DNAH14: variants seen among roughly 807,000 people sequenced by gnomAD.
DNAH14 encodes dynein axonemal heavy chain 14.
In DNAH14, 478 loss-of-function variants were observed where a neutral mutation model predicts 520.9. That is an observed-to-expected ratio of 0.92 (90% confidence interval 0.85 to 0.99). The LOEUF is 0.99. Ranked by LOEUF, DNAH14 falls within the 50% of genes least tolerant of loss-of-function variation. DNAH14 has a pLI of 0.00. For synonymous variants in DNAH14, 1,581 were observed against 1,757.2 expected (o/e 0.90, Z 2.51); for missense variants, 4,831 against 5,234.5 (o/e 0.92, Z 2.38).
At chr1:225,074,807 G>A (rs2072040598) in intron 17 of DNAH14, among the ~76,000 whole-genome samples, 1 of 152,208 alleles carries the variant, frequency 6.6e-6, no homozygotes, top group Non-Finnish European at 1.5e-5. Context: ...AAACATAGTG[G>A]CCTGCCCCTC....
Position 225,304,983 on chromosome 1 carries a change from G to A in DNAH14, c.8899G>A (p.Glu2967Lys), listed in dbSNP as rs1449634440. ...GAAAGACTTGAACAGAAAATACTTT[G>A]AAGAAACTGGAAGATTTTATTATAC... ...SMKDLNRKYF[E>K]ETGRFYYTTP... Residue 2967 changes from glutamate to lysine, a missense_variant, in exon 58 of 86, where the codon GAA (glutamate) becomes AAA (lysine). Coordinates refer to ENST00000682510, the MANE Select transcript of DNAH14 (RefSeq NM_001367479.1). The A allele has an allele frequency of 4.5e-6, 7 of 1,546,036 alleles. No individual in the cohort carries two copies. The highest frequency in any genetic ancestry group is 1.7e-6 in the Non-Finnish European group (2 of 1,145,838).
At chr1:225,044,686 TA>T (rs1398350729) in intron 15 of DNAH14, among the ~76,000 whole-genome samples, 1 of 152,186 alleles carries the variant, frequency 6.6e-6, no homozygotes, top group Non-Finnish European at 1.5e-5. Flanking sequence ...ATATTTATTT[TA>T]AAGTTTGCAT....
intron 54 of DNAH14, among the ~76,000 whole-genome samples, chr1:225,287,157 G>A (rs1470812154): frequency 6.6e-6 from 1 of 152,058 alleles, no homozygotes; most frequent in Non-Finnish European, 1.5e-5. Context: ...CTATATATTT[G>A]TCAAAGCCCA....
Position 224,954,999 on chromosome 1 carries a change from C to T in DNAH14, c.118C>T (p.Pro40Ser). Residue 40 changes from proline to serine, a missense_variant, in exon 3 of 86, where the codon CCA (proline) becomes TCA (serine). Coordinates refer to ENST00000682510, the MANE Select transcript of DNAH14 (RefSeq NM_001367479.1). ...AGAGAAAAAATATGAAGATGTGAAACCATTAGAGACTCAACCAGCTGAAAT... is the reference window on the plus strand; with the variant it reads ...AGAGAAAAAATATGAAGATGTGAAATCATTAGAGACTCAACCAGCTGAAAT... ...YEEKKYEDVK[P>S]LETQPAEIAE... is the part of the protein sequence containing the mutation. 1 of 1,607,000 alleles carries T rather than the reference C, an allele frequency of 6.2e-7. No homozygotes were observed. The highest frequency in any genetic ancestry group is 8.5e-7 in the Non-Finnish European group (1 of 1,174,724).
chr1:225,303,356 C>A lies in DNAH14; in HGVS notation c.8823+9C>A. On this transcript the variant is annotated intron_variant, in intron 57 of 85. Coordinates refer to ENST00000682510, the MANE Select transcript of DNAH14 (RefSeq NM_001367479.1). ...ATTTTGAGAACAGAGAGGTAAATATCTAATGCAAGTGAAGGTTTCAGTTTA... is the reference window on the plus strand; with the variant it reads ...ATTTTGAGAACAGAGAGGTAAATATATAATGCAAGTGAAGGTTTCAGTTTA... 1 of 1,543,184 alleles carries A rather than the reference C, an allele frequency of 6.5e-7. No homozygotes were observed. Among genetic ancestry groups the A allele is most frequent in the East Asian group, 2.4e-5 (1 of 40,856 alleles).
chr1:225,157,479 G>A (rs1341321280), intron 34 of DNAH14, among the ~76,000 whole-genome samples: 1 of 152,010 alleles, frequency 6.6e-6, no homozygotes, highest in Non-Finnish European at 1.5e-5. Context: ...AGACCCATTG[G>A]TAATTTCGCA....
chr1:225,050,071 A>G (rs2148300099), intron 15 of DNAH14, 139 bp from the exon 16 acceptor site: 1 of 692,802 alleles, frequency 1.4e-6, no homozygotes, highest in South Asian at 3.5e-5. Flanking sequence ...TTTAAATTCC[A>G]GTTATAAATA....
At chr1:225,322,543 C>A in intron 61 of DNAH14, 121 bp from the exon 62 acceptor site, 1 of 977,656 alleles carries the variant, frequency 1.0e-6, no homozygotes, top group South Asian at 3.2e-5. Flanking sequence ...TATATGTTGA[C>A]AAATAGTTTT....
chr1:225,133,342 G>C (rs878908269), intron 27 of DNAH14, among the ~76,000 whole-genome samples: 14 of 152,032 alleles, frequency 9.2e-5, no homozygotes, highest in African/African-American at 3.1e-4. Context: ...TTTTCTTCTA[G>C]GGTTTTTATA....
intron 17 of DNAH14, among the ~76,000 whole-genome samples, chr1:225,076,963 G>A (rs1482225372): frequency 1.3e-5 from 2 of 151,954 alleles, no homozygotes; most frequent in Non-Finnish European, 2.9e-5. Flanking sequence ...CACCCAACAG[G>A]CCCCGGTGTG....
At chr1:225,339,561 T>C (rs1398061957) in intron 68 of DNAH14, among the ~76,000 whole-genome samples, 1 of 152,166 alleles carries the variant, frequency 6.6e-6, no homozygotes, top group Non-Finnish European at 1.5e-5. Flanking sequence ...TCTTGCTAGA[T>C]ATAATTTGCT....
At chr1:225,350,148 A>G (rs1440720734) in intron 71 of DNAH14, among the ~76,000 whole-genome samples, 1 of 152,182 alleles carries the variant, frequency 6.6e-6, no homozygotes, top group Non-Finnish European at 1.5e-5. Flanking sequence ...TGAAAAATCC[A>G]CAAACATGTA....
At chr1:225,032,483 G>A (rs1011450511) in intron 11 of DNAH14, among the ~76,000 whole-genome samples, 1 of 152,056 alleles carries the variant, frequency 6.6e-6, no homozygotes, top group African/African-American at 2.4e-5. Flanking sequence ...GTCTGTCATT[G>A]ATGGGCATAT....
intron 10 of DNAH14, among the ~76,000 whole-genome samples, chr1:225,012,839 G>C (rs2064902257): frequency 6.6e-6 from 1 of 152,106 alleles, no homozygotes; most frequent in African/African-American, 2.4e-5. Flanking sequence ...CTGTAAACTG[G>C]TTATTCTAGT....
rs1246997865 is a variant in DNAH14 at position 225,129,085 on chromosome 1, G to A, written c.4254+5471G>A. Among the ~76,000 whole-genome samples the A allele has an allele frequency of 5.9e-5, 9 of 151,306 alleles. No individual in the cohort carries two copies. The East Asian group carries it at 7.8e-4, about 13-fold the overall frequency. On this transcript the variant is annotated intron_variant, in intron 27 of 85. Transcript: ENST00000682510. ...ATTCACAATTGCTTCAAAGAGAATA[G>A]AATACCTAGGAATCCAACTTACAAG...
At chr1:225,120,864 C>A (rs972008132) in intron 26 of DNAH14, among the ~76,000 whole-genome samples, 2 of 152,158 alleles carry the variant, frequency 1.3e-5, no homozygotes, top group Non-Finnish European at 2.9e-5. Flanking sequence ...ACAATTATAT[C>A]ATTTGCTAAC....
chr1:225,395,569 G>A (rs747650797), intron 84 of DNAH14, among the ~76,000 whole-genome samples: 7 of 147,144 alleles, frequency 4.8e-5, no homozygotes, highest in African/African-American at 1.7e-4. Flanking sequence ...TCCAGCCTGC[G>A]CGACAGAGTG....
intron 60 of DNAH14, among the ~76,000 whole-genome samples, chr1:225,309,997 G>A (rs2094327706): frequency 6.6e-6 from 1 of 151,174 alleles, no homozygotes; most frequent in Non-Finnish European, 1.5e-5. Context: ...TGCACATTGT[G>A]CACATGTACC....
intron 41 of DNAH14, among the ~76,000 whole-genome samples, chr1:225,227,189 A>G (rs2090620642): frequency 6.6e-6 from 1 of 151,812 alleles, no homozygotes; most frequent in Non-Finnish European, 1.5e-5. Context: ...AGGCTGGGGG[A>G]TGATCAGGTC....
Sources: gnomAD v4.1 joint callset for allele counts (sites outside exome capture counted in the v4.1 genomes callset) on GRCh38, gnomAD v4.1.1 for gene constraint, MANE v1.5 for transcripts, NCBI Gene and HGNC (gene_info 2026-07-23, HGNC 2026-07-21) for gene names.